Variants in ADAMTS9 observed in about 807,000 individuals in gnomAD.
The protein encoded by ADAMTS9 is ADAM metallopeptidase with thrombospondin type 1 motif 9.
Under a neutral mutation model 257.1 loss-of-function variants are expected in ADAMTS9, and 107 were observed. The ratio of observed to expected loss-of-function variants is 0.42; its 90% confidence interval spans 0.36 to 0.49. The LOEUF is 0.49. ADAMTS9 is among the 20% of genes least tolerant of loss of function. ADAMTS9 has a pLI of 0.03. For synonymous variants in ADAMTS9, 982 were observed against 880.9 expected (o/e 1.11, Z -2.03); for missense variants, 2,353 against 2,469.1 (o/e 0.95, Z 1.00).
chr3:64,671,233 G>A (rs1163183776), intron 3 of ADAMTS9, among the ~76,000 whole-genome samples: 2 of 152,168 alleles, frequency 1.3e-5, no homozygotes, highest in Non-Finnish European at 2.9e-5. Context: ...CAACAATGTG[G>A]ATGAACCTCA....
At chr3:64,537,477 G>A (rs1312781232) in intron 37 of ADAMTS9, among the ~76,000 whole-genome samples, 4 of 152,102 alleles carry the variant, frequency 2.6e-5, no homozygotes, top group Admixed American at 6.6e-5. Context: ...TGGAAGAAAG[G>A]CTCTTTTTAC....
At chr3:64,589,753 C>T (rs562234776) in intron 28 of ADAMTS9, 19 of 152,192 alleles carry the variant, frequency 1.2e-4, no homozygotes, top group Admixed American at 1.0e-3. Flanking sequence ...AATAGGCCTC[C>T]GGGTCATTTT....
intron 36 of ADAMTS9, 48 bp downstream of exon 36, chr3:64,541,047 A>C (rs1355506722): frequency 1.2e-6 from 2 of 1,607,822 alleles, no homozygotes; most frequent in South Asian, 1.1e-5. Flanking sequence ...TGCTGTCTGA[A>C]TGGAGAGAAG....
At chr3:64,635,495 G>T (rs533152285) in intron 12 of ADAMTS9, among the ~76,000 whole-genome samples, 34 of 152,330 alleles carry the variant, frequency 2.2e-4, no homozygotes, top group Admixed American at 1.7e-3. Context: ...GTCTACGTCT[G>T]TCTGTTTCTG....
At chr3:64,626,917 A>G (rs1700237129) in intron 16 of ADAMTS9, among the ~76,000 whole-genome samples, 1 of 152,146 alleles carries the variant, frequency 6.6e-6, no homozygotes, top group Non-Finnish European at 1.5e-5. Flanking sequence ...GCCATGAAAG[A>G]GGCAGGAGTT....
intron 8 of ADAMTS9, among the ~76,000 whole-genome samples, chr3:64,653,319 G>A (rs1412943564): frequency 6.6e-6 from 1 of 152,176 alleles, no homozygotes; most frequent in Non-Finnish European, 1.5e-5. Context: ...GGTTGGGCCT[G>A]CCACAAATGC....
At chr3:64,661,214 G>C (rs1322487060) in intron 3 of ADAMTS9, among the ~76,000 whole-genome samples, 1 of 152,178 alleles carries the variant, frequency 6.6e-6, no homozygotes, top group African/African-American at 2.4e-5. Context: ...TGTAACATTA[G>C]ATTCTTCTTC....
intron 32 of ADAMTS9, 27 bp from the exon 33 acceptor site, chr3:64,541,997 G>A (rs1381389047): frequency 6.2e-7 from 1 of 1,613,714 alleles, no homozygotes; most frequent in Non-Finnish European, 8.5e-7. Context: ...AGTCAGCGGT[G>A]TGGCTATGGA....
intron 12 of ADAMTS9, among the ~76,000 whole-genome samples, chr3:64,637,246 T>A (rs954846694): frequency 6.6e-6 from 1 of 152,154 alleles, no homozygotes; most frequent in Non-Finnish European, 1.5e-5. Context: ...TGGAAAAAAA[T>A]CATTTTATAA....
chr3:64,522,153 T>G lies in ADAMTS9; in HGVS notation c.*5+13A>C. 4 of 1,608,734 alleles carry G rather than the reference T, an allele frequency of 2.5e-6. No individual in the cohort carries two copies. Among genetic ancestry groups the G allele is most frequent in the Non-Finnish European group, 3.4e-6 (4 of 1,175,266 alleles). On this transcript the variant is annotated intron_variant, in intron 39 of 39. Transcript: ENST00000498707. Reference sequence around the variant, plus strand: ...AGACAAATACACAGACAGACAGACATAGGACTACTTACCTTAGCTATAAAA... The same window carrying G: ...AGACAAATACACAGACAGACAGACAGAGGACTACTTACCTTAGCTATAAAA...
At chr3:64,641,471 G>T (rs796242778) in intron 12 of ADAMTS9, among the ~76,000 whole-genome samples, 61 of 58,728 alleles carry the variant, frequency 1.0e-3, no homozygotes, top group African/African-American at 4.0e-3. Flanking sequence ...CCCTCCCCCC[G>T]CCCCCCACCC....
At chr3:64,641,661 A>C (rs1700645674) in intron 12 of ADAMTS9, among the ~76,000 whole-genome samples, 187 bp downstream of exon 12, 1 of 151,930 alleles carries the variant, frequency 6.6e-6, no homozygotes, top group Non-Finnish European at 1.5e-5. Context: ...TCTTGAGAGT[A>C]AACAATAATA....
At chr3:64,525,849 G>A (rs113893639) in intron 38 of ADAMTS9, among the ~76,000 whole-genome samples, 22 of 151,376 alleles carry the variant, frequency 1.5e-4, no homozygotes, top group African/African-American at 4.4e-4. Flanking sequence ...GACCTCAACC[G>A]ATCTGCTGAG....
chr3:64,565,823 C>G (rs141110399), intron 29 of ADAMTS9: 1 of 152,152 alleles, frequency 6.6e-6, no homozygotes, highest in East Asian at 1.9e-4. Context: ...GAGAGAAAAA[C>G]CCTTTAAGGC....
At chr3:64,529,445 C>A (rs899628582) in intron 38 of ADAMTS9, among the ~76,000 whole-genome samples, 2 of 151,744 alleles carry the variant, frequency 1.3e-5, no homozygotes, top group African/African-American at 4.8e-5. Context: ...TTCTGTAACT[C>A]CTGGCAGAAA....
chr3:64,526,386 T>C (rs1030858718), intron 38 of ADAMTS9, among the ~76,000 whole-genome samples: 16 of 152,138 alleles, frequency 1.1e-4, no homozygotes, highest in Non-Finnish European at 5.9e-5. Flanking sequence ...AAATAGTTTC[T>C]CTTAATTCTT....
At position 64,533,261 on chromosome 3, in the gene ADAMTS9, T is replaced by C; in HGVS notation, c.5623A>G (p.Ser1875Gly). Residue 1875 changes from serine (S) to glycine (G), a missense_variant, in exon 38 of 40, where the codon AGC becomes GGC. Physicochemically the swap from Ser to Gly is moderately conservative, Grantham distance 56. Transcript: ENST00000498707. Reference protein sequence around the residue: ...SAAKCPQGRFSINLYGTGLSL... With the variant: ...SAAKCPQGRFGINLYGTGLSL... ...AAGCCGGTTCCATAAAGGTTGATGC[T>C]AAAACGACCCTGGAAAACACGACCA... The C allele has an allele frequency of 6.2e-7, 1 of 1,602,842 alleles. No individual in the cohort carries two copies. Among genetic ancestry groups the C allele is most frequent in the African/African-American group, 1.3e-5 (1 of 74,578 alleles).
chr3:64,543,171 G>A (rs1456265698), intron 32 of ADAMTS9, among the ~76,000 whole-genome samples: 4 of 150,064 alleles, frequency 2.7e-5, no homozygotes, highest in Non-Finnish European at 3.0e-5. Flanking sequence ...ATTCACAGCC[G>A]AATTCTACCA....
intron 12 of ADAMTS9, among the ~76,000 whole-genome samples, chr3:64,635,862 T>G (rs1306523813): frequency 6.6e-6 from 1 of 152,020 alleles, no homozygotes; most frequent in Non-Finnish European, 1.5e-5. Flanking sequence ...GCATAAAATA[T>G]CACAGATGAC....
Sources: gnomAD v4.1 joint callset for allele counts (sites outside exome capture counted in the v4.1 genomes callset) on GRCh38, gnomAD v4.1.1 for gene constraint, MANE v1.5 for transcripts, NCBI Gene and HGNC (gene_info 2026-07-23, HGNC 2026-07-21) for gene names.